Variants in PRKN observed in about 807,000 individuals in gnomAD.
PRKN encodes parkin RBR E3 ubiquitin protein ligase, also known as E3 ubiquitin-protein ligase parkin.
PRKN carries 56 observed loss-of-function variants against 59.5 expected under a neutral mutation model. The observed-to-expected ratio is 0.94, with a 90% CI of 0.76 to 1.18. The LOEUF (loss-of-function observed/expected upper bound fraction) is 1.18, where lower values mean the gene tolerates loss of function less well. Among genes scored for constraint, PRKN ranks in the 50% most tolerant of loss-of-function variants. PRKN has a pLI of 0.00. For missense variants in PRKN, 657 were observed against 596.4 expected (o/e 1.10, Z -1.06); for synonymous variants, 250 against 222.1 (o/e 1.13, Z -1.12).
At position 161,371,991 on chromosome 6, in the gene PRKN, G is replaced by T. The variant is rs556573643; in HGVS notation, c.1168-11786C>A. 1.3e-5 allele frequency among the ~76,000 whole-genome samples: 2 copies of T among 152,274 alleles called. No homozygotes were observed. Among genetic ancestry groups the T allele is most frequent in the African/African-American group, 4.8e-5 (2 of 41,556 alleles). ...AACAGTGGTGATTTCTGCTAGGAGTGGAATGTGTGCCAAGTGCCACAGACG... is the reference window on the plus strand; with the variant it reads ...AACAGTGGTGATTTCTGCTAGGAGTTGAATGTGTGCCAAGTGCCACAGACG... On this transcript the variant is annotated intron_variant, in intron 10 of 11. Coordinates refer to ENST00000366898, the MANE Select transcript of PRKN (RefSeq NM_004562.3). This position sits in a 1 kb window ranked among gnomAD's most constrained non-coding sequence, Gnocchi z 5.5.
At chr6:161,788,874 T>G (rs1790530825) in intron 6 of PRKN, among the ~76,000 whole-genome samples, 1 of 152,188 alleles carries the variant, frequency 6.6e-6, no homozygotes, top group Admixed American at 6.5e-5. Context: ...ACAGTCAACT[T>G]GGATATATAC....
chr6:162,694,211 C>T (rs1777885063), intron 1 of PRKN, among the ~76,000 whole-genome samples: 1 of 133,846 alleles, frequency 7.5e-6, no homozygotes, highest in African/African-American at 2.8e-5. Context: ...CGTGCCACTG[C>T]ACTCCAGCCT....
chr6:162,118,347 A>T (rs1180883066), intron 4 of PRKN, among the ~76,000 whole-genome samples: 2 of 152,022 alleles, frequency 1.3e-5, no homozygotes, highest in East Asian at 3.9e-4. Flanking sequence ...TGGAGCTTGC[A>T]GTGAGCCGAG....
Position 161,624,003 on chromosome 6 carries a change from G to A in PRKN, c.872-54587C>T, listed in dbSNP as rs188353573. 1.4e-3 allele frequency among the ~76,000 whole-genome samples: 207 copies of A among 152,212 alleles called. 2 individuals are homozygous for A. Among genetic ancestry groups the A allele is most frequent in the African/African-American group, 4.6e-3 (190 of 41,526 alleles). On this transcript the variant is annotated intron_variant, in intron 7 of 11. Transcript: ENST00000366898. ...AATTTTTCACTTTTCTTTGAATTAC[G>A]GGAAGGAAGTCTTACTATGAAAAGC...
At chr6:162,233,599 G>A (rs1469324790) in intron 3 of PRKN, among the ~76,000 whole-genome samples, 4 of 152,100 alleles carry the variant, frequency 2.6e-5, no homozygotes, top group Admixed American at 1.3e-4. Context: ...AATAATTAAC[G>A]AAAAAATTTT....
intron 3 of PRKN, among the ~76,000 whole-genome samples, chr6:162,217,558 G>T (rs796396576): frequency 1.3e-4 from 19 of 151,956 alleles, no homozygotes; most frequent in East Asian, 3.9e-4. Context: ...CTAATTTTTT[G>T]TGTGTGTATT....
chr6:162,680,737 G>A (rs886361516), intron 1 of PRKN, among the ~76,000 whole-genome samples: 1 of 152,090 alleles, frequency 6.6e-6, no homozygotes, highest in Non-Finnish European at 1.5e-5. Flanking sequence ...CTTTTATAGA[G>A]TAAATAATCA....
rs1353408756 is a variant in PRKN at position 161,912,146 on chromosome 6, C to A, written c.734+61156G>T. Among the ~76,000 whole-genome samples the A allele has an allele frequency of 2.0e-5, 3 of 150,680 alleles. No individual in the cohort carries two copies. In the East Asian group the frequency reaches 5.8e-4, roughly 29 times the overall value. On this transcript the variant is annotated intron_variant, in intron 6 of 11. Transcript: ENST00000366898. ...TGAGTGGAGATCACACCACTGCACT[C>A]CAGCCTGGACGACAGAGGAGAATCT... is the stretch of plus-strand genomic sequence containing the variant.
intron 1 of PRKN, among the ~76,000 whole-genome samples, chr6:162,569,943 A>G (rs1780248204): frequency 6.6e-6 from 1 of 152,172 alleles, no homozygotes; most frequent in Admixed American, 6.5e-5. Flanking sequence ...TTTTCCCCCC[A>G]AAATAAAACC....
At chr6:161,984,218 C>T (rs1781351929) in intron 5 of PRKN, among the ~76,000 whole-genome samples, 1 of 152,118 alleles carries the variant, frequency 6.6e-6, no homozygotes, top group African/African-American at 2.4e-5. Context: ...TACCCTGGAT[C>T]CAGCTATGCC....
At chr6:162,493,563 G>A (rs189064510) in intron 1 of PRKN, among the ~76,000 whole-genome samples, 1 of 152,294 alleles carries the variant, frequency 6.6e-6, no homozygotes, top group Admixed American at 6.5e-5. Context: ...ATATTTCAAA[G>A]AGAAGAATAA....
At chr6:161,476,990 G>C (rs530712483) in intron 9 of PRKN, among the ~76,000 whole-genome samples, 4 of 152,348 alleles carry the variant, frequency 2.6e-5, no homozygotes, top group African/African-American at 9.6e-5. Context: ...AGTAAGGCAG[G>C]CACGGAAGTG....
In PRKN at chr6:161,529,776, A is replaced by C. The variant is rs978562297; in HGVS notation, c.1083+19078T>G. On this transcript the variant is annotated intron_variant, in intron 9 of 11. Transcript: ENST00000366898. The surrounding 1 kb of genome is among the most constrained non-coding windows in gnomAD (Gnocchi z 4.4). Reference sequence around the variant, plus strand: ...AACTGATTTTTGTCTCTGGCTGGAAAATTTTTCATGGGTTACACATTCTTT... The same window carrying C: ...AACTGATTTTTGTCTCTGGCTGGAACATTTTTCATGGGTTACACATTCTTT... Among the ~76,000 whole-genome samples the C allele has an allele frequency of 1.3e-5, 2 of 152,146 alleles. No homozygotes were observed. Among genetic ancestry groups the C allele is most frequent in the African/African-American group, 4.8e-5 (2 of 41,424 alleles).
chr6:161,911,365 C>T (rs1016789134), intron 6 of PRKN, among the ~76,000 whole-genome samples: 1 of 152,150 alleles, frequency 6.6e-6, no homozygotes, highest in African/African-American at 2.4e-5. Flanking sequence ...GTCATTCAGC[C>T]TCATGAGGTC....
intron 4 of PRKN, among the ~76,000 whole-genome samples, chr6:162,147,137 T>C: frequency 6.6e-6 from 1 of 150,832 alleles, no homozygotes; most frequent in Non-Finnish European, 1.5e-5. Context: ...GGCCAGGAGT[T>C]CAAGACAAGG....
Position 161,582,518 on chromosome 6 carries a change from C to A in PRKN, c.872-13102G>T, listed in dbSNP as rs1213498229. ...CTAGGCTCACTGCAAGCTCCGCCTCCCAGGTTCACGCCATTCTCCTGCCTC... is the reference window on the plus strand; with the variant it reads ...CTAGGCTCACTGCAAGCTCCGCCTCACAGGTTCACGCCATTCTCCTGCCTC... On this transcript the variant is annotated intron_variant, in intron 7 of 11. Transcript: ENST00000366898. The surrounding 1 kb of genome is among the most constrained non-coding windows in gnomAD (Gnocchi z 4.4). Among the ~76,000 whole-genome samples the A allele has an allele frequency of 6.6e-6, 1 of 151,720 alleles. No individual in the cohort carries two copies. Among genetic ancestry groups the A allele is most frequent in the African/African-American group, 2.4e-5 (1 of 41,268 alleles).
At chr6:161,750,118 T>TATATATATATATATACAC (rs1269147499) in intron 7 of PRKN, among the ~76,000 whole-genome samples, 3 of 137,830 alleles carry the variant, frequency 2.2e-5, no homozygotes, top group African/African-American at 5.4e-5. Context: ...TATATATATA[T>TATATATATATATATACAC]ACACACACAC....
chr6:161,684,528 T>G (rs1012661607), intron 7 of PRKN, among the ~76,000 whole-genome samples: 1 of 152,174 alleles, frequency 6.6e-6, no homozygotes, highest in African/African-American at 2.4e-5. Flanking sequence ...TCACGTTATA[T>G]CTAAAGCTTT....
At chr6:161,765,216 T>C (rs1789373113) in intron 7 of PRKN, among the ~76,000 whole-genome samples, 1 of 152,208 alleles carries the variant, frequency 6.6e-6, no homozygotes, top group African/African-American at 2.4e-5. Context: ...ACGTGGATCA[T>C]GAAACACAGA....
Sources: gnomAD v4.1 joint callset for allele counts (sites outside exome capture counted in the v4.1 genomes callset) on GRCh38, gnomAD v4.1.1 for gene constraint, Gnocchi (gnomAD v3.1) non-coding constraint, MANE v1.5 for transcripts, NCBI Gene and HGNC (gene_info 2026-07-23, HGNC 2026-07-21) for gene names.